Variants in RABGAP1L observed in about 807,000 individuals in gnomAD.
RABGAP1L encodes the protein rab GTPase-activating protein 1-like.
Under a neutral mutation model 137.7 loss-of-function variants are expected in RABGAP1L, and 63 were observed. The ratio of observed to expected loss-of-function variants is 0.46; its 90% CI spans 0.37 to 0.56. The LOEUF (loss-of-function observed/expected upper bound fraction) is 0.56, where lower values mean the gene tolerates loss of function less well. Among genes scored for constraint, RABGAP1L ranks in the 20% least tolerant of loss-of-function variants. RABGAP1L has a pLI of 0.00. For missense variants in RABGAP1L, 1,095 were observed against 1,244.0 expected (o/e 0.88, Z 1.80); for synonymous variants, 431 against 433.7 (o/e 0.99, Z 0.08).
intron 12 of RABGAP1L, among the ~76,000 whole-genome samples, chr1:174,373,763 C>G (rs1039810478): frequency 6.6e-6 from 1 of 152,174 alleles, no homozygotes; most frequent in Non-Finnish European, 1.5e-5. Context: ...AACTGTACAT[C>G]ACTATTACTC....
intron 13 of RABGAP1L, among the ~76,000 whole-genome samples, chr1:174,395,768 G>C (rs955461440): frequency 6.6e-6 from 1 of 150,660 alleles, no homozygotes; most frequent in East Asian, 1.9e-4. Flanking sequence ...AGGACTGCCT[G>C]AGGCCAGGAA....
chr1:174,813,040 T>C (rs1275834724), intron 19 of RABGAP1L, among the ~76,000 whole-genome samples: 2 of 152,200 alleles, frequency 1.3e-5, no homozygotes, highest in African/African-American at 4.8e-5. Flanking sequence ...TTGTAAGCAT[T>C]TAGGCTTTAC....
At chr1:174,957,760 T>C (rs1362345037) in intron 20 of RABGAP1L, 2 of 880,760 alleles carry the variant, frequency 2.3e-6, no homozygotes, top group Admixed American at 2.0e-5. Flanking sequence ...AAAGCAGCAG[T>C]TGTGGCAAGT....
intron 14 of RABGAP1L, among the ~76,000 whole-genome samples, chr1:174,648,128 A>G (rs924907096): frequency 4.0e-5 from 6 of 151,630 alleles, no homozygotes; most frequent in African/African-American, 1.5e-4. Context: ...TGTTCTATCT[A>G]TTTTGTAAAT....
intron 19 of RABGAP1L, among the ~76,000 whole-genome samples, chr1:174,947,423 C>T (rs1023563171): frequency 6.0e-5 from 9 of 151,258 alleles, no homozygotes; most frequent in South Asian, 2.1e-4. Flanking sequence ...TTCTTTCTTT[C>T]GTTTTTTTGT....
chr1:174,744,091 A>G (rs991136322), intron 17 of RABGAP1L, among the ~76,000 whole-genome samples: 1 of 17,396 alleles, frequency 5.7e-5, no homozygotes, highest in East Asian at 5.8e-3. Context: ...TGAAATACGT[A>G]AAAAAAAAAA....
intron 14 of RABGAP1L, among the ~76,000 whole-genome samples, chr1:174,640,424 C>G (rs1674437619): frequency 6.6e-6 from 1 of 151,932 alleles, no homozygotes; most frequent in Admixed American, 6.6e-5. Flanking sequence ...TATTTTATGA[C>G]CCCCATCCCA....
At chr1:174,780,574 A>G (rs1007941761) in intron 18 of RABGAP1L, among the ~76,000 whole-genome samples, 5 of 151,984 alleles carry the variant, frequency 3.3e-5, no homozygotes, top group African/African-American at 1.2e-4. Context: ...ATATATATAT[A>G]TATTTTTATT....
At chr1:174,690,548 A>G (rs1424836853) in intron 15 of RABGAP1L, among the ~76,000 whole-genome samples, 2 of 152,106 alleles carry the variant, frequency 1.3e-5, no homozygotes, top group African/African-American at 4.8e-5. Context: ...TAAATTAATA[A>G]TTATTTGCTT....
At chr1:174,935,608 C>T (rs1298419144) in intron 19 of RABGAP1L, 1 of 152,046 alleles carries the variant, frequency 6.6e-6, no homozygotes, top group Admixed American at 6.6e-5. Context: ...GTGGGATTAC[C>T]TTAAGAGCCA....
chr1:174,321,126 C>T (rs1447483051), intron 11 of RABGAP1L, among the ~76,000 whole-genome samples: 2 of 152,026 alleles, frequency 1.3e-5, no homozygotes, highest in African/African-American at 4.8e-5. Flanking sequence ...TAAAATAAGC[C>T]CCAGTCTCCT....
intron 11 of RABGAP1L, among the ~76,000 whole-genome samples, chr1:174,327,450 T>C (rs78818432): frequency 0.02 from 3,014 of 152,160 alleles, 49 homozygotes; most frequent in Middle Eastern, 0.054. Flanking sequence ...AACTGTAAGA[T>C]GTTTTTTGTA....
At chr1:174,604,291 T>C (rs944981982) in intron 13 of RABGAP1L, among the ~76,000 whole-genome samples, 6 of 152,220 alleles carry the variant, frequency 3.9e-5, no homozygotes, top group African/African-American at 1.4e-4. Context: ...ACTGGCTGAA[T>C]TCTGCCATGT....
intron 19 of RABGAP1L, among the ~76,000 whole-genome samples, chr1:174,819,155 C>G (rs953456801): frequency 7.0e-6 from 1 of 143,724 alleles, no homozygotes; most frequent in Middle Eastern, 3.6e-3. Flanking sequence ...TGCATTCCAG[C>G]CCAGGTGACA....
chr1:174,404,553 C>A (rs1283042546), intron 13 of RABGAP1L, among the ~76,000 whole-genome samples: 1 of 152,002 alleles, frequency 6.6e-6, no homozygotes, highest in Non-Finnish European at 1.5e-5. Flanking sequence ...AAAATGATAG[C>A]ACAAAAGAAT....
At chr1:174,822,634 T>C (rs1691152139) in intron 19 of RABGAP1L, among the ~76,000 whole-genome samples, 1 of 152,228 alleles carries the variant, frequency 6.6e-6, no homozygotes, top group African/African-American at 2.4e-5. Flanking sequence ...CAGAGCAGTC[T>C]AGATCCCTTG....
chr1:174,928,111 C>G (rs1663140282), intron 19 of RABGAP1L, among the ~76,000 whole-genome samples: 1 of 152,148 alleles, frequency 6.6e-6, no homozygotes, highest in East Asian at 1.9e-4. Flanking sequence ...GCAGGCCCTT[C>G]TTGTTGCACT....
intron 19 of RABGAP1L, among the ~76,000 whole-genome samples, chr1:174,899,635 CT>C (rs1169825032): frequency 6.6e-6 from 1 of 152,172 alleles, no homozygotes; most frequent in Non-Finnish European, 1.5e-5. Flanking sequence ...CCATCCTGCT[CT>C]CTGTTCTTTT....
intron 18 of RABGAP1L, among the ~76,000 whole-genome samples, chr1:174,808,439 T>C (rs951404666): frequency 6.6e-6 from 1 of 151,974 alleles, no homozygotes; most frequent in Non-Finnish European, 1.5e-5. Context: ...GGGCAACAAA[T>C]TGAGGCCCTG....
Sources: gnomAD v4.1 joint callset for allele counts (sites outside exome capture counted in the v4.1 genomes callset) on GRCh38, gnomAD v4.1.1 for gene constraint, MANE v1.5 for transcripts, NCBI Gene and HGNC (gene_info 2026-07-23, HGNC 2026-07-21) for gene names.